Variants in WDFY2 observed in about 807,000 individuals in gnomAD.
WDFY2 encodes WD repeat and FYVE domain containing 2.
WDFY2 carries 36 observed loss-of-function variants against 56.4 expected under a neutral mutation model. The observed-to-expected ratio is 0.64, with a 90% CI of 0.49 to 0.84. The LOEUF is 0.84. WDFY2 is among the 40% of genes least tolerant of loss of function. WDFY2 has a pLI of 0.00. For missense variants in WDFY2, 444 were observed against 512.2 expected (o/e 0.87, Z 1.29); for synonymous variants, 176 against 183.7 (o/e 0.96, Z 0.34).
At chr13:51,711,927 A>G (rs1952227573) in intron 4 of WDFY2, among the ~76,000 whole-genome samples, 1 of 152,218 alleles carries the variant, frequency 6.6e-6, no homozygotes, top group Non-Finnish European at 1.5e-5. Context: ...TGACCCAGCC[A>G]TTACATTACT....
rs761109489 is a variant in WDFY2 at position 51,755,341 on chromosome 13, G to T, written c.832-17G>T. The stretch of plus-strand genomic sequence containing the variant: ...ACTGCTGGCCACAGTGACCTGTTCT[G>T]TGCTTTATTTGACAAGACCCCTGAA... On this transcript the variant is annotated splice_polypyrimidine_tract_variant and intron_variant, in intron 8 of 11. Coordinates refer to ENST00000298125, the MANE Select transcript of WDFY2 (RefSeq NM_052950.4). The T allele has an allele frequency of 1.2e-6, 2 of 1,613,768 alleles. No homozygotes were observed. Among genetic ancestry groups the T allele is most frequent in the South Asian group, 2.2e-5 (2 of 91,064 alleles).
At chr13:51,585,895 TCAACAATTGAG>T in intron 1 of WDFY2, 1 of 396,984 alleles carries the variant, frequency 2.5e-6, no homozygotes, top group Non-Finnish European at 4.4e-6. Flanking sequence ...GTGTGTGGCC[TCAACAATTGAG>T]CTCGATAGGT....
chr13:51,742,427 G>T (rs1449674330), intron 7 of WDFY2, among the ~76,000 whole-genome samples: 1 of 150,344 alleles, frequency 6.7e-6, no homozygotes, highest in Non-Finnish European at 1.5e-5. Flanking sequence ...CTAGCTCTGT[G>T]GGAGGAAGGG....
At chr13:51,648,121 A>C (rs1955295210) in intron 1 of WDFY2, among the ~76,000 whole-genome samples, 2 of 152,164 alleles carry the variant, frequency 1.3e-5, no homozygotes, top group African/African-American at 4.8e-5. Flanking sequence ...TGAGGCAGGC[A>C]CTGAATTTAG....
At chr13:51,596,481 C>T (rs2138299378) in intron 1 of WDFY2, among the ~76,000 whole-genome samples, 1 of 152,252 alleles carries the variant, frequency 6.6e-6, no homozygotes, top group Non-Finnish European at 1.5e-5. Context: ...GTAAAGTTCA[C>T]CGAATCCTAA....
At chr13:51,711,044 C>T (rs1415371195) in intron 4 of WDFY2, among the ~76,000 whole-genome samples, 5 of 152,244 alleles carry the variant, frequency 3.3e-5, no homozygotes, top group African/African-American at 1.2e-4. Context: ...AACTATACTA[C>T]AAGGCTACAG....
intron 1 of WDFY2, among the ~76,000 whole-genome samples, chr13:51,647,629 G>A (rs527482198): frequency 6.6e-6 from 1 of 152,174 alleles, no homozygotes; most frequent in East Asian, 1.9e-4. Flanking sequence ...ATGGTGGTGA[G>A]CATCTGTAGT....
intron 8 of WDFY2, among the ~76,000 whole-genome samples, chr13:51,754,440 T>C (rs1953316281): frequency 6.6e-6 from 1 of 152,250 alleles, no homozygotes; most frequent in African/African-American, 2.4e-5. Flanking sequence ...GCTGTACTCA[T>C]TTATACTTCT....
At chr13:51,745,754 A>C (rs1017449515) in intron 7 of WDFY2, among the ~76,000 whole-genome samples, 47 of 149,018 alleles carry the variant, frequency 3.2e-4, no homozygotes, top group African/African-American at 1.1e-3. Flanking sequence ...AAAAAAAAAA[A>C]AAAAAAAAAA....
intron 6 of WDFY2, among the ~76,000 whole-genome samples, chr13:51,738,546 C>T (rs1192341358): frequency 6.6e-6 from 1 of 152,082 alleles, no homozygotes; most frequent in African/African-American, 2.4e-5. Context: ...GAAGTTTGCC[C>T]GGAATCTGTA....
intron 1 of WDFY2, chr13:51,593,830 C>G (rs562254975): frequency 1.3e-5 from 2 of 152,124 alleles, no homozygotes; most frequent in African/African-American, 4.8e-5. Flanking sequence ...ATATATCTTA[C>G]ATTTTGTTGT....
chr13:51,705,541 T>C (rs530638598), intron 4 of WDFY2, among the ~76,000 whole-genome samples: 107 of 152,248 alleles, frequency 7.0e-4, no homozygotes, highest in African/African-American at 2.5e-3. Flanking sequence ...TCCTCCACAG[T>C]TCTCACTTGA....
intron 7 of WDFY2, among the ~76,000 whole-genome samples, chr13:51,747,794 G>A (rs1425005142): frequency 1.3e-5 from 2 of 152,148 alleles, no homozygotes; most frequent in Non-Finnish European, 2.9e-5. Context: ...GCCTCCCAAA[G>A]TGCTGGAATT....
chr13:51,693,589 A>T (rs1475884486), intron 3 of WDFY2, among the ~76,000 whole-genome samples: 1 of 151,752 alleles, frequency 6.6e-6, no homozygotes, highest in Non-Finnish European at 1.5e-5. Context: ...TGCTGAGGAG[A>T]GCTTTACTTC....
In WDFY2 at chr13:51,639,471, G is replaced by A. The variant is rs962304729; in HGVS notation, c.138-21125G>A. Among the ~76,000 whole-genome samples, 6 of 152,166 alleles carry A rather than the reference G, an allele frequency of 3.9e-5. No individual in the cohort carries two copies. The South Asian group carries it at 6.2e-4, about 16-fold the overall frequency. On this transcript the variant is annotated intron_variant, in intron 1 of 11. Coordinates refer to ENST00000298125, the MANE Select transcript of WDFY2 (RefSeq NM_052950.4). ...ATTGTAGAGGGCAGTAGTTACTGTC[G>A]TTTGTTTATTTGACTTGGCAGAGGA...
chr13:51,693,843 C>T lies in WDFY2; in HGVS notation c.280-9753C>T, dbSNP rs1485621806. Among the ~76,000 whole-genome samples the T allele has an allele frequency of 2.6e-5, 4 of 152,242 alleles. No homozygotes were observed. In the South Asian group the frequency reaches 8.3e-4, roughly 32 times the overall value. On this transcript the variant is annotated intron_variant, in intron 3 of 11. Coordinates refer to ENST00000298125, the MANE Select transcript of WDFY2 (RefSeq NM_052950.4). ...AAGTCTCTTTATAGGTCACTCAGGACTTGCTTTATGAATCTGGGTACTCCT... is the reference window on the plus strand; with the variant it reads ...AAGTCTCTTTATAGGTCACTCAGGATTTGCTTTATGAATCTGGGTACTCCT...
At chr13:51,750,531 A>T (rs1368473181) in intron 7 of WDFY2, among the ~76,000 whole-genome samples, 1 of 58,082 alleles carries the variant, frequency 1.7e-5, no homozygotes, top group Non-Finnish European at 3.7e-5. Context: ...AAAATAGACG[A>T]ACATACAAAA....
Position 51,711,199 on chromosome 13 carries a change from T to C in WDFY2, c.334+7549T>C, listed in dbSNP as rs9596566. On this transcript the variant is annotated intron_variant, in intron 4 of 11. Coordinates refer to ENST00000298125, the MANE Select transcript of WDFY2 (RefSeq NM_052950.4). ...AACAAGAAATGGGGAAAGGATTCCC[T>C]ATTTACCAAATGGTGCTGGGAAAAC... is the stretch of plus-strand genomic sequence containing the variant. Among the ~76,000 whole-genome samples, 1,160 of 152,352 alleles carry C rather than the reference T, an allele frequency of 7.6e-3. 9 individuals are homozygous for C. Among genetic ancestry groups the C allele is most frequent in the African/African-American group, 0.027 (1,117 of 41,578 alleles).
At chr13:51,719,161 T>G (rs1463764282) in intron 4 of WDFY2, 37 bp from the exon 5 acceptor site, 1 of 1,613,876 alleles carries the variant, frequency 6.2e-7, no homozygotes, top group Admixed American at 1.7e-5. Context: ...CTCCTTAGGA[T>G]GCTTTATAGG....
Sources: gnomAD v4.1 joint callset for allele counts (sites outside exome capture counted in the v4.1 genomes callset) on GRCh38, gnomAD v4.1.1 for gene constraint, MANE v1.5 for transcripts, NCBI Gene and HGNC (gene_info 2026-07-23, HGNC 2026-07-21) for gene names.